Variants in IL2RA observed in about 807,000 individuals in gnomAD.
IL2RA encodes the protein interleukin-2 receptor subunit alpha.
Under a neutral mutation model 37.8 loss-of-function variants are expected in IL2RA, and 24 were observed. The observed-to-expected ratio is 0.63, with a 90% confidence interval of 0.46 to 0.89. IL2RA has a LOEUF of 0.89. Ranked by LOEUF, IL2RA falls within the 40% of genes least tolerant of loss-of-function variation. The pLI is 0.00. For missense variants in IL2RA, 319 were observed against 348.6 expected (o/e 0.92, Z 0.68); for synonymous variants, 125 against 114.6 (o/e 1.09, Z -0.58).
Position 6,019,441 on chromosome 10 carries a change from C to G in IL2RA, c.714G>C (p.Glu238Asp). 6.2e-7 allele frequency: 1 copy of G among 1,612,576 alleles called. No homozygotes were observed. ...ATMETSIFTT[E>D]YQVAVAGCVF... ...TGCCCCACTCACCTGCTACCTGGTA[C>G]TCTGTTGTAAATATGGACGTCTCCA... is the stretch of plus-strand genomic sequence containing the variant. Residue 238 changes from glutamate to aspartate, a missense_variant, in exon 6 of 8, where the codon GAG becomes GAC. Physicochemically the swap from Glu to Asp is conservative, Grantham distance 45. Coordinates refer to ENST00000379959, the MANE Select transcript of IL2RA (RefSeq NM_000417.3).
In IL2RA at chr10:6,014,198, C is replaced by T. The variant is rs1343812693; in HGVS notation, c.795-1302G>A. Among the ~76,000 whole-genome samples the T allele has an allele frequency of 6.6e-6, 1 of 152,188 alleles. No homozygotes were observed. The highest frequency in any genetic ancestry group is 2.4e-5 in the African/African-American group (1 of 41,446). ...CCGAAAATTTAACCGCTGGCTCTCA[C>T]AAGCCACTGTGAGCCTTCTGTAGCA... On this transcript the variant is annotated intron_variant, in intron 7 of 7. Coordinates refer to ENST00000379959, the MANE Select transcript of IL2RA (RefSeq NM_000417.3). This position sits in a 1 kb window ranked among gnomAD's most constrained non-coding sequence, Gnocchi z 4.4.
chr10:6,053,910 G>A (rs1257518708), intron 1 of IL2RA, among the ~76,000 whole-genome samples: 4 of 152,210 alleles, frequency 2.6e-5, no homozygotes, highest in Admixed American at 6.5e-5. Context: ...TACAGCGTGG[G>A]AGGAAAAAGC....
intron 1 of IL2RA, among the ~76,000 whole-genome samples, chr10:6,053,841 T>G (rs1840002678): frequency 6.6e-6 from 1 of 152,178 alleles, no homozygotes; most frequent in Non-Finnish European, 1.5e-5. Context: ...TCTTCTTCTT[T>G]TGGGTAAAAG....
intron 1 of IL2RA, among the ~76,000 whole-genome samples, chr10:6,026,283 A>G (rs574772502): frequency 6.6e-6 from 1 of 152,324 alleles, no homozygotes; most frequent in Non-Finnish European, 1.5e-5. Flanking sequence ...AGAAATTAAC[A>G]AGGTTTTATT....
At position 6,022,997 on chromosome 10, in the gene IL2RA, A is replaced by C. The variant is rs1839413574; in HGVS notation, c.367+1247T>G. The stretch of plus-strand genomic sequence containing the variant: ...CTAGATTAGTCTGTTTTAAAAAATA[A>C]AATAATGGAAGCTGTAAGTAAATTC... On this transcript the variant is annotated intron_variant, in intron 3 of 7. Transcript: ENST00000379959. The surrounding 1 kb of genome is among the most constrained non-coding windows in gnomAD (Gnocchi z 4.7). 6.6e-6 allele frequency among the ~76,000 whole-genome samples: 1 copy of C among 152,252 alleles called. No homozygotes were observed. The highest frequency in any genetic ancestry group is 2.1e-4 in the South Asian group (1 of 4,832).
rs1195487225 is a variant in IL2RA, at chr10:6,047,802, A to G, written c.64+14286T>C. On this transcript the variant is annotated intron_variant, in intron 1 of 7. Transcript: ENST00000379959. The surrounding 1 kb of genome is among the most constrained non-coding windows in gnomAD (Gnocchi z 5.0). ...CTATAGTATACTCATTAATATAATT[A>G]GTATATTATATGATAAATATATATA... Among the ~76,000 whole-genome samples the G allele has an allele frequency of 6.9e-6, 1 of 145,542 alleles. No homozygotes were observed. Among genetic ancestry groups the G allele is most frequent in the Middle Eastern group, 3.3e-3 (1 of 300 alleles).
At chr10:6,024,160 C>T (rs1839437640) in intron 3 of IL2RA, 84 bp downstream of exon 3, 2 of 902,756 alleles carry the variant, frequency 2.2e-6, no homozygotes, top group Non-Finnish European at 3.7e-6. Context: ...CAGGGCAGAC[C>T]TTCTTCCTTT....
At position 6,022,738 on chromosome 10, in the gene IL2RA, G is replaced by A. The variant is rs974549226; in HGVS notation, c.368-1045C>T. On this transcript the variant is annotated intron_variant, in intron 3 of 7. Coordinates refer to ENST00000379959, the MANE Select transcript of IL2RA (RefSeq NM_000417.3). The surrounding 1 kb of genome is among the most constrained non-coding windows in gnomAD (Gnocchi z 4.7). ...GTAACTGTCTGAACATGTTTGAATT[G>A]GGTTTGCTTCTTTCCAATGAAAACA... Among the ~76,000 whole-genome samples, 5 of 152,244 alleles carry A rather than the reference G, an allele frequency of 3.3e-5. No homozygotes were observed. Among genetic ancestry groups the A allele is most frequent in the Non-Finnish European group, 7.3e-5 (5 of 68,040 alleles).
At chr10:6,049,431 C>CCAG (rs1339179300) in intron 1 of IL2RA, among the ~76,000 whole-genome samples, 1 of 152,216 alleles carries the variant, frequency 6.6e-6, no homozygotes, top group African/African-American at 2.4e-5. Context: ...GAAATACCCT[C>CCAG]ACAGACACCC....
At position 6,058,612 on chromosome 10, in the gene IL2RA, G is replaced by A. The variant is rs1452262358; in HGVS notation, c.64+3476C>T. 2.6e-5 allele frequency among the ~76,000 whole-genome samples: 4 copies of A among 152,210 alleles called. No individual in the cohort carries two copies. The highest frequency in any genetic ancestry group is 9.7e-5 in the African/African-American group (4 of 41,446). ...AAGATGGGAAATTCCATTGTGGGCA[G>A]TTGTCTTTACAAGAATGGATAATTA... On this transcript the variant is annotated intron_variant, in intron 1 of 7. Transcript: ENST00000379959. The surrounding 1 kb of genome is among the most constrained non-coding windows in gnomAD (Gnocchi z 4.2).
chr10:6,059,359 A>C (rs527533843), intron 1 of IL2RA, among the ~76,000 whole-genome samples: 2 of 152,298 alleles, frequency 1.3e-5, no homozygotes, highest in African/African-American at 4.8e-5. Flanking sequence ...TGCGAGTCTG[A>C]GTTTTGGGTT....
At chr10:6,038,671 C>T (rs191644608) in intron 1 of IL2RA, among the ~76,000 whole-genome samples, 7 of 152,226 alleles carry the variant, frequency 4.6e-5, no homozygotes, top group South Asian at 2.1e-4. Flanking sequence ...AACATAAATG[C>T]GCACAAAGAA....
At chr10:6,016,139 G>A (rs1182405397) in intron 7 of IL2RA, among the ~76,000 whole-genome samples, 3 of 151,880 alleles carry the variant, frequency 2.0e-5, no homozygotes, top group Admixed American at 2.0e-4. Flanking sequence ...GAGGTGATCA[G>A]GTCGCGAGGG....
rs1214651578 is a variant in IL2RA at position 6,054,442 on chromosome 10, G to C, written c.64+7646C>G. Among the ~76,000 whole-genome samples, 3 of 152,208 alleles carry C rather than the reference G, an allele frequency of 2.0e-5. No individual in the cohort carries two copies. The highest frequency in any genetic ancestry group is 7.2e-5 in the African/African-American group (3 of 41,448). ...ACCAATGACACCTGTAGACACTGCAGGGTTGAAGCTGGGGGAGAAGCACTC... is the reference window on the plus strand; with the variant it reads ...ACCAATGACACCTGTAGACACTGCACGGTTGAAGCTGGGGGAGAAGCACTC... On this transcript the variant is annotated intron_variant, in intron 1 of 7. Transcript: ENST00000379959. The surrounding 1 kb of genome is among the most constrained non-coding windows in gnomAD (Gnocchi z 4.5).
At chr10:6,037,069 C>T (rs187700174) in intron 1 of IL2RA, among the ~76,000 whole-genome samples, 4 of 152,216 alleles carry the variant, frequency 2.6e-5, no homozygotes, top group Admixed American at 1.3e-4. Context: ...CCATCTGCCC[C>T]CTGGGTGAGG....
chr10:6,058,274 C>G lies in IL2RA; in HGVS notation c.64+3814G>C, dbSNP rs1268024532. On this transcript the variant is annotated intron_variant, in intron 1 of 7. Transcript: ENST00000379959. The surrounding 1 kb of genome is among the most constrained non-coding windows in gnomAD (Gnocchi z 4.2). Reference sequence around the variant, plus strand: ...CAGCAACCGTTCTATATTAGCACCTCTAACTGACGCATTCGTGAAACTCAT... The same window carrying G: ...CAGCAACCGTTCTATATTAGCACCTGTAACTGACGCATTCGTGAAACTCAT... 6.6e-6 allele frequency among the ~76,000 whole-genome samples: 1 copy of G among 152,198 alleles called. No homozygotes were observed. The highest frequency in any genetic ancestry group is 1.5e-5 in the Non-Finnish European group (1 of 68,042).
chr10:6,024,167 C>T, intron 3 of IL2RA, 77 bp downstream of exon 3: 3 of 958,138 alleles, frequency 3.1e-6, no homozygotes, highest in Admixed American at 1.8e-5. Flanking sequence ...GACCTTCTTC[C>T]TTTGGGTACA....
At position 6,020,067 on chromosome 10, in the gene IL2RA, C is replaced by G. The variant is rs1018907871; in HGVS notation, c.584-126G>C. 6.6e-5 allele frequency: 50 copies of G among 761,720 alleles called. No individual in the cohort carries two copies. The highest frequency in any genetic ancestry group is 1.1e-4 in the Non-Finnish European group (48 of 435,696). The allele number at this position is 761,720 out of a possible 1,614,324, so 47.2% of individuals were successfully genotyped here. A position where few individuals can be genotyped will look rare whatever the true frequency, so the allele number is the denominator to read the frequency against. On this transcript the variant is annotated intron_variant, in intron 4 of 7. Transcript: ENST00000379959. This position sits in a 1 kb window ranked among gnomAD's most constrained non-coding sequence, Gnocchi z 5.6. ...GGAGGCAGGAATCCTGGTGTGGGCA[C>G]TTCGCCAGGGATGCCACCCCTCATG...
At chr10:6,055,827 G>A (rs1159696122) in intron 1 of IL2RA, among the ~76,000 whole-genome samples, 2 of 1,556 alleles carry the variant, frequency 1.3e-3, no homozygotes, top group Admixed American at 8.8e-3. Context: ...CTGGCCGGGC[G>A]GGGGGGCCGA....
Sources: gnomAD v4.1 joint callset for allele counts (sites outside exome capture counted in the v4.1 genomes callset) on GRCh38, gnomAD v4.1.1 for gene constraint, Gnocchi (gnomAD v3.1) non-coding constraint, MANE v1.5 for transcripts, NCBI Gene and HGNC (gene_info 2026-07-23, HGNC 2026-07-21) for gene names.